Variants in TMCC3 observed in about 807,000 individuals in gnomAD.
TMCC3 encodes the protein transmembrane and coiled-coil domain protein 3.
In TMCC3, 28 loss-of-function variants were observed where a neutral mutation model predicts 40.2. The ratio of observed to expected loss-of-function variants is 0.70; its 90% confidence interval spans 0.52 to 0.95. The LOEUF (loss-of-function observed/expected upper bound fraction) is 0.95, where lower values mean the gene tolerates loss of function less well. Ranked by LOEUF, TMCC3 falls within the 40% of genes least tolerant of loss-of-function variation. TMCC3 has a pLI of 0.00. For missense variants in TMCC3, 554 were observed against 615.2 expected, an observed-to-expected ratio of 0.90 and a Z score of 1.05; for synonymous variants, 255 against 248.5, an observed-to-expected ratio of 1.03 and a Z score of -0.25.
chr12:94,629,496 G>C (rs540118197), intron 1 of TMCC3, among the ~76,000 whole-genome samples: 2 of 152,156 alleles, frequency 1.3e-5, no homozygotes. Flanking sequence ...CTGATCTCAG[G>C]GCCTCGCACA....
intron 1 of TMCC3, among the ~76,000 whole-genome samples, chr12:94,588,825 ATTT>A (rs77963963): frequency 0.56 from 79,910 of 141,478 alleles, 21,977 homozygotes; most frequent in African/African-American, 0.61. Flanking sequence ...TCGGTATGAG[ATTT>A]TTTTTTTTTT....
chr12:94,589,936 C>T (rs962852438), intron 1 of TMCC3, among the ~76,000 whole-genome samples: 1 of 152,160 alleles, frequency 6.6e-6, no homozygotes, highest in African/African-American at 2.4e-5. Flanking sequence ...AGAACCTCTG[C>T]AATGCCCTTA....
chr12:94,625,164 T>A (rs1240405567), intron 1 of TMCC3, among the ~76,000 whole-genome samples: 2 of 151,600 alleles, frequency 1.3e-5, no homozygotes, highest in African/African-American at 2.4e-5. Context: ...AAAAAATTTT[T>A]TTTTTACAGA....
intron 1 of TMCC3, among the ~76,000 whole-genome samples, chr12:94,618,428 T>G (rs576041523): frequency 6.6e-6 from 1 of 152,330 alleles, no homozygotes; most frequent in East Asian, 1.9e-4. Flanking sequence ...CACAAATATC[T>G]TTTTTAAAAA....
chr12:94,635,837 T>C (rs926430699), intron 1 of TMCC3, among the ~76,000 whole-genome samples: 4 of 152,072 alleles, frequency 2.6e-5, no homozygotes, highest in Non-Finnish European at 5.9e-5. Flanking sequence ...CAGCTAATTT[T>C]TTTGTATTTT....
intron 1 of TMCC3, among the ~76,000 whole-genome samples, chr12:94,583,606 A>C (rs529959310): frequency 6.6e-6 from 1 of 152,362 alleles, no homozygotes; most frequent in South Asian, 2.1e-4. Context: ...CGCAGCATTG[A>C]GTTTCCTGGT....
chr12:94,640,321 G>A (rs2068982784), intron 1 of TMCC3, among the ~76,000 whole-genome samples: 1 of 152,136 alleles, frequency 6.6e-6, no homozygotes, highest in African/African-American at 2.4e-5. Context: ...GTAGCTGAGA[G>A]CATATGTATG....
intron 1 of TMCC3, among the ~76,000 whole-genome samples, chr12:94,603,757 A>G (rs983960829): frequency 3.3e-5 from 5 of 152,230 alleles, no homozygotes; most frequent in African/African-American, 1.2e-4. Context: ...AGATGTATAC[A>G]CTTTACTGTA....
intron 1 of TMCC3, among the ~76,000 whole-genome samples, chr12:94,597,117 T>TAAAAAAA (rs1265233755): frequency 2.4e-4 from 19 of 79,264 alleles, no homozygotes; most frequent in African/African-American, 9.2e-4. Flanking sequence ...CTGTCTCTAT[T>TAAAAAAA]AAAATACATA....
At chr12:94,601,808 C>CAA (rs61372290) in intron 1 of TMCC3, among the ~76,000 whole-genome samples, 13,320 of 76,102 alleles carry the variant, frequency 0.18, 2,595 homozygotes, top group African/African-American at 0.21. Context: ...GACCTGGTCT[C>CAA]AAAAAAAAAA....
At position 94,635,381 on chromosome 12, in the gene TMCC3, C is replaced by T. The variant is rs7304423; in HGVS notation, c.78+14972G>A. On this transcript the variant is annotated intron_variant, in intron 1 of 3. Coordinates refer to ENST00000261226, the MANE Select transcript of TMCC3 (RefSeq NM_020698.4). Reference sequence around the variant, plus strand: ...CTTCCATCTCCCGAGCTGCGAGCTGCGATGGTGTGTCACAAATTACTTAAG... The same window carrying T: ...CTTCCATCTCCCGAGCTGCGAGCTGTGATGGTGTGTCACAAATTACTTAAG... Among the ~76,000 whole-genome samples the T allele has an allele frequency of 3.4e-3, 525 of 152,188 alleles. 1 individual carries two copies. Among genetic ancestry groups the T allele is most frequent in the African/African-American group, 0.012 (509 of 41,510 alleles).
intron 1 of TMCC3, among the ~76,000 whole-genome samples, chr12:94,603,210 G>A (rs1168381439): frequency 2.6e-5 from 4 of 152,024 alleles, no homozygotes; most frequent in Admixed American, 6.5e-5. Flanking sequence ...TCAGCTTCCC[G>A]AGTACCTGGG....
chr12:94,628,083 G>A (rs1566333705), intron 1 of TMCC3, among the ~76,000 whole-genome samples: 2 of 152,198 alleles, frequency 1.3e-5, no homozygotes, highest in East Asian at 3.8e-4. Flanking sequence ...GTGGAAGGTT[G>A]GGCAATGAAG....
At chr12:94,629,093 T>A (rs1460761734) in intron 1 of TMCC3, among the ~76,000 whole-genome samples, 1 of 152,206 alleles carries the variant, frequency 6.6e-6, no homozygotes, top group Admixed American at 6.5e-5. Context: ...AACCTAGCTA[T>A]GACGCTCATG....
rs770261214 is a variant in TMCC3, at chr12:94,582,351, C to T, written c.266G>A (p.Arg89His). The T allele has an allele frequency of 1.1e-5, 18 of 1,613,836 alleles. No homozygotes were observed. Among genetic ancestry groups the T allele is most frequent in the South Asian group, 2.2e-5 (2 of 91,088 alleles). The change falls in exon 2 of 4, where the codon CGC becomes CAC. Residue 89 changes from arginine to histidine, a missense_variant. By Grantham distance (29) the Arg-to-His change is conservative (BLOSUM62 0). Transcript: ENST00000261226. ...CAGATACTCCGCAACATTCCCATCGCGCGATGTTTGCTCAATTTTTATCTG... is the reference window on the plus strand; with the variant it reads ...CAGATACTCCGCAACATTCCCATCGTGCGATGTTTGCTCAATTTTTATCTG... ...TEQIKIEQTS[R>H]DGNVAEYLKL...
intron 1 of TMCC3, chr12:94,644,428 C>G: frequency 1.0e-6 from 1 of 985,364 alleles, no homozygotes; most frequent in East Asian, 1.1e-4. Flanking sequence ...GGCAGAGGGT[C>G]TGAAGCAAAA....
intron 1 of TMCC3, among the ~76,000 whole-genome samples, chr12:94,618,605 CCTCAAGCATGA>C (rs1453896680): frequency 1.2e-4 from 18 of 152,162 alleles, no homozygotes; most frequent in African/African-American, 4.1e-4. Context: ...ATGTGACATG[CCTCAAGCATGA>C]CCAGTTTGAG....
intron 1 of TMCC3, among the ~76,000 whole-genome samples, chr12:94,644,095 C>G (rs993876806): frequency 6.6e-6 from 1 of 152,242 alleles, no homozygotes; most frequent in Non-Finnish European, 1.5e-5. Flanking sequence ...TACCTCCTTA[C>G]AGAGGAATAA....
rs1450018329 is a variant in TMCC3, at chr12:94,571,433, C to T, written c.*2G>A. 4 of 1,608,358 alleles carry T rather than the reference C, an allele frequency of 2.5e-6. No individual in the cohort carries two copies. The highest frequency in any genetic ancestry group is 2.6e-6 in the Non-Finnish European group (3 of 1,175,260). On this transcript the variant is annotated 3_prime_UTR_variant, in exon 4 of 4. Transcript: ENST00000261226. ...AGAACTTGAAGGCAGGAACCAGTGGCTTCATCTTGGTATTATCATCCTTTC... is the reference window on the plus strand; with the variant it reads ...AGAACTTGAAGGCAGGAACCAGTGGTTTCATCTTGGTATTATCATCCTTTC...
Sources: allele counts gnomAD v4.1 joint callset (sites outside exome capture counted in the v4.1 genomes callset), GRCh38; gene constraint gnomAD v4.1.1; transcripts MANE v1.5; gene names NCBI Gene and HGNC (gene_info 2026-07-23, HGNC 2026-07-21).